The following PDCD6 variants were observed in gnomAD, a reference collection of about 807,000 sequenced individuals.
PDCD6 encodes programmed cell death protein 6.
A neutral mutation model predicts 28.3 loss-of-function variants in PDCD6; 12 were observed. That is an observed-to-expected ratio of 0.42 (90% CI 0.27 to 0.69). The LOEUF (loss-of-function observed/expected upper bound fraction) is 0.69. Among genes scored for constraint, PDCD6 ranks in the 30% least tolerant of loss-of-function variants. The pLI is 0.22. For missense variants in PDCD6, 226 were observed against 269.9 expected, an observed-to-expected ratio of 0.84 and a Z score of 1.14; for synonymous variants, 92 against 108.0, an observed-to-expected ratio of 0.85 and a Z score of 0.92.
intron 2 of PDCD6, among the ~76,000 whole-genome samples, chr5:294,063 C>T (rs1218868344): frequency 6.7e-6 from 1 of 149,698 alleles, no homozygotes; most frequent in Non-Finnish European, 1.5e-5. Flanking sequence ...CAACATTTAT[C>T]ACAGGCCTAA....
chr5:277,918 A>C (rs1461223598), intron 2 of PDCD6, among the ~76,000 whole-genome samples: 1 of 151,356 alleles, frequency 6.6e-6, no homozygotes, highest in Non-Finnish European at 1.5e-5. Context: ...ATCTCAAAAA[A>C]AAAAAAAAAA....
intron 2 of PDCD6, chr5:276,085 T>C (rs7713524): frequency 0.16 from 164,446 of 1,057,534 alleles, 17,705 homozygotes; most frequent in African/African-American, 0.54. Flanking sequence ...AAAAAGTAAA[T>C]GAGTGTAGTG....
chr5:289,968 G>T, intron 2 of PDCD6: 1 of 1,593,088 alleles, frequency 6.3e-7, no homozygotes. Flanking sequence ...TGAGAAATTT[G>T]TCTGTTCCTG....
intron 2 of PDCD6, among the ~76,000 whole-genome samples, chr5:279,148 GACTGACATTTC>G (rs1354654740): frequency 6.6e-6 from 1 of 152,158 alleles, no homozygotes; most frequent in Non-Finnish European, 1.5e-5. Context: ...GGGACACAGA[GACTGACATTTC>G]TTGCCATGGG....
intron 5 of PDCD6, among the ~76,000 whole-genome samples, chr5:312,642 G>C (rs1740994693): frequency 6.6e-6 from 1 of 151,984 alleles, no homozygotes; most frequent in Non-Finnish European, 1.5e-5. Flanking sequence ...AATGTTCTCT[G>C]AACACTTTCA....
rs907081725 is a variant in PDCD6 at position 271,871 on chromosome 5, C to G, written c.101+50C>G. On this transcript the variant is annotated intron_variant, in intron 1 of 5. Transcript: ENST00000264933. The stretch of plus-strand genomic sequence containing the variant: ...CCTCCCGCCTCCGCCGCGGCGGCCC[C>G]GACCCCTGTCCCGACTCCCCCGACC... 4 of 1,091,254 alleles carry G rather than the reference C, an allele frequency of 3.7e-6. No individual in the cohort carries two copies. In the African/African-American group the frequency reaches 5.0e-5, roughly 14 times the overall value. 67.6% of individuals were successfully genotyped at this position (1,091,254 alleles called of 1,614,324 possible). A position where few individuals can be genotyped will look rare whatever the true frequency, so the allele number is the denominator to read the frequency against.
intron 5 of PDCD6, among the ~76,000 whole-genome samples, chr5:313,463 GGTT>G (rs1441690250): frequency 6.6e-6 from 1 of 150,942 alleles, no homozygotes; most frequent in Non-Finnish European, 1.5e-5. Context: ...ATTCCTGCAG[GGTT>G]GTTTTTTTTT....
At chr5:290,391 C>CT in intron 2 of PDCD6, 1 of 823,374 alleles carries the variant, frequency 1.2e-6, no homozygotes, top group Non-Finnish European at 2.0e-6. Context: ...TGCCTCCCCC[C>CT]ACCCCCCGAC....
At chr5:278,671 C>A (rs1738358647) in intron 2 of PDCD6, among the ~76,000 whole-genome samples, 2 of 151,292 alleles carry the variant, frequency 1.3e-5, no homozygotes, top group African/African-American at 4.9e-5. Flanking sequence ...CGAGATCGTG[C>A]CATTGCACTC....
In PDCD6 at chr5:294,442, G is replaced by A. The variant is rs535353189; in HGVS notation, c.164-9735G>A. ...AAGGTATAAGGAGGGCATATTGCCCGAGAAAGAGGCTCAACGTCGTAGAGA... is the reference window on the plus strand; with the variant it reads ...AAGGTATAAGGAGGGCATATTGCCCAAGAAAGAGGCTCAACGTCGTAGAGA... On this transcript the variant is annotated intron_variant, in intron 2 of 5. Coordinates refer to ENST00000264933, the MANE Select transcript of PDCD6 (RefSeq NM_013232.4). 5.9e-5 allele frequency among the ~76,000 whole-genome samples: 9 copies of A among 152,326 alleles called. No individual in the cohort carries two copies. The South Asian group carries it at 1.0e-3, about 18-fold the overall frequency.
chr5:297,938 A>G (rs2126736352), intron 2 of PDCD6, among the ~76,000 whole-genome samples: 1 of 152,354 alleles, frequency 6.6e-6, no homozygotes, highest in Non-Finnish European at 1.5e-5. Context: ...AAATATTCTT[A>G]AAAAGAGATC....
intron 2 of PDCD6, among the ~76,000 whole-genome samples, chr5:294,150 T>C (rs1739455554): frequency 6.6e-6 from 1 of 151,546 alleles, no homozygotes; most frequent in Non-Finnish European, 1.5e-5. Flanking sequence ...GGCGAAAAGT[T>C]CTTAGACATG....
At chr5:306,553 GTT>G in intron 3 of PDCD6, 47 bp from the exon 4 acceptor site, 2 of 1,603,782 alleles carry the variant, frequency 1.2e-6, no homozygotes, top group Non-Finnish European at 8.5e-7. Context: ...CCTCAAGTGA[GTT>G]TGCTGCAACT....
At chr5:306,255 G>A (rs1740474722) in intron 3 of PDCD6, 2 of 247,220 alleles carry the variant, frequency 8.1e-6, no homozygotes, top group South Asian at 1.1e-4. Context: ...CCTTCCCCGT[G>A]CCTCGGAAGC....
chr5:290,561 C>T (rs1739257687), intron 2 of PDCD6, among the ~76,000 whole-genome samples: 1 of 152,206 alleles, frequency 6.6e-6, no homozygotes, highest in Admixed American at 6.5e-5. Flanking sequence ...GCACGTCACC[C>T]TAAAAAGTTA....
rs1458389178 is a variant in PDCD6, at chr5:305,900, A to G, written c.209-702A>G. 2.6e-5 allele frequency: 4 copies of G among 152,334 alleles called. No individual in the cohort carries two copies. The highest frequency in any genetic ancestry group is 5.9e-5 in the Non-Finnish European group (4 of 68,118). The allele number at this position is 152,334 out of a possible 1,614,324, so 9.4% of individuals were successfully genotyped here. ...ACATATTTCTGATCAAACCAGGAGT[A>G]GTCTTATTGCAGTCCTGTATTAACC... is the stretch of plus-strand genomic sequence containing the variant. On this transcript the variant is annotated intron_variant, in intron 3 of 5. Coordinates refer to ENST00000264933, the MANE Select transcript of PDCD6 (RefSeq NM_013232.4). This position sits in a 1 kb window ranked among gnomAD's most constrained non-coding sequence, Gnocchi z 4.0.
chr5:274,722 G>A (rs1379157954), intron 2 of PDCD6, among the ~76,000 whole-genome samples: 1 of 151,936 alleles, frequency 6.6e-6, no homozygotes, highest in African/African-American at 2.4e-5. Context: ...ATTATTGTTT[G>A]GGGGTGGGGG....
intron 2 of PDCD6, among the ~76,000 whole-genome samples, chr5:278,121 C>T (rs1324840871): frequency 6.6e-6 from 1 of 152,130 alleles, no homozygotes; most frequent in African/African-American, 2.4e-5. Flanking sequence ...GCTGGCTCCT[C>T]CGGGGTTGGG....
At chr5:295,712 C>T (rs1396253773) in intron 2 of PDCD6, among the ~76,000 whole-genome samples, 13 of 122,236 alleles carry the variant, frequency 1.1e-4, no homozygotes, top group East Asian at 2.3e-4. Flanking sequence ...ACTCAGGGCC[C>T]GGGGCCTGCT....
Sources: allele counts gnomAD v4.1 joint callset (sites outside exome capture counted in the v4.1 genomes callset), GRCh38; gene constraint gnomAD v4.1.1; non-coding constraint Gnocchi (gnomAD v3.1); transcripts MANE v1.5; gene names NCBI Gene and HGNC (gene_info 2026-07-23, HGNC 2026-07-21).